The following TMEM178B variants were observed in gnomAD, a reference collection of about 807,000 sequenced individuals.
TMEM178B encodes transmembrane protein 178B.
A neutral mutation model predicts 31.0 loss-of-function variants in TMEM178B; 5 were observed. That is an observed-to-expected ratio of 0.16 (90% CI 0.08 to 0.34). The LOEUF (loss-of-function observed/expected upper bound fraction) is 0.34. Among genes scored for constraint, TMEM178B ranks in the 10% least tolerant of loss-of-function variants. The pLI is 1.00. For synonymous variants in TMEM178B, 164 were observed against 164.0 expected (o/e 1.00, Z 0.00); for missense variants, 275 against 400.3 (o/e 0.69, Z 2.67).
chr7:141,481,542 A>G (rs1802474440), downstream of TMEM178B, among the ~76,000 whole-genome samples: 1 of 152,214 alleles, frequency 6.6e-6, no homozygotes, highest in Non-Finnish European at 1.5e-5. Context: ...AGATGGGCAC[A>G]GTGCTGGGCC....
intron 2 of TMEM178B, among the ~76,000 whole-genome samples, chr7:141,313,116 T>C (rs182662310): frequency 4.6e-5 from 7 of 152,340 alleles, no homozygotes; most frequent in Non-Finnish European, 8.8e-5. Flanking sequence ...AAAGTATTTT[T>C]TTAAAAACTC....
chr7:141,249,636 G>A (rs1001731065), intron 2 of TMEM178B, among the ~76,000 whole-genome samples: 1 of 132,270 alleles, frequency 7.6e-6, no homozygotes, highest in Non-Finnish European at 1.6e-5. Flanking sequence ...GTAATTACAT[G>A]GGACCCAGTG....
At chr7:141,359,616 T>A (rs1222864861) in intron 2 of TMEM178B, among the ~76,000 whole-genome samples, 1 of 152,282 alleles carries the variant, frequency 6.6e-6, no homozygotes, top group East Asian at 1.9e-4. Flanking sequence ...TCCAGGTCCA[T>A]CTTGGAGTTC....
At chr7:141,454,412 G>A (rs1801923505) in intron 3 of TMEM178B, among the ~76,000 whole-genome samples, 1 of 152,110 alleles carries the variant, frequency 6.6e-6, no homozygotes, top group African/African-American at 2.4e-5. Flanking sequence ...CAAGCACGTG[G>A]GGCCCAGTAC....
chr7:141,511,043 T>C, the TMEM178B span, among the ~76,000 whole-genome samples: 27 of 152,082 alleles, frequency 1.8e-4, no homozygotes, highest in African/African-American at 6.5e-4. Context: ...ATTTTAGAAC[T>C]GTGCAATGTA....
intron 2 of TMEM178B, chr7:141,430,324 G>C (rs1362281757): frequency 3.3e-5 from 5 of 152,156 alleles, no homozygotes; most frequent in African/African-American, 7.2e-5. Context: ...GGATGTAGCA[G>C]TACATGAAAA....
At chr7:141,395,408 T>C (rs1231576127) in intron 2 of TMEM178B, among the ~76,000 whole-genome samples, 1 of 152,158 alleles carries the variant, frequency 6.6e-6, no homozygotes, top group Non-Finnish European at 1.5e-5. Context: ...GCCACTGCAC[T>C]CCAGCCCAAG....
rs1008375445 is a variant in TMEM178B at position 141,279,771 on chromosome 7, G to A, written c.496+67067G>A. 7.2e-5 allele frequency among the ~76,000 whole-genome samples: 11 copies of A among 152,218 alleles called. No individual in the cohort carries two copies. In the South Asian group the frequency reaches 1.5e-3, roughly 20 times the overall value. ...TGGAGTGTCTCTCGAGAAGCCAGCC[G>A]TGAGCAAATAGCACTGGCTTCTCTT... is the stretch of plus-strand genomic sequence containing the variant. On this transcript the variant is annotated intron_variant, in intron 2 of 3. Coordinates refer to ENST00000565468, the MANE Select transcript of TMEM178B (RefSeq NM_001195278.2).
rs553428600 is a variant in TMEM178B, at chr7:141,185,448, C to G, written c.383-27143C>G. ...AGCGGCCTGGGCTCTCCTCCGACTGCCCTGGCCAAACTCCATGTCGTTCAG... is the reference window on the plus strand; with the variant it reads ...AGCGGCCTGGGCTCTCCTCCGACTGGCCTGGCCAAACTCCATGTCGTTCAG... On this transcript the variant is annotated intron_variant, in intron 1 of 3. Transcript: ENST00000565468. Among the ~76,000 whole-genome samples the G allele has an allele frequency of 2.4e-3, 361 of 152,296 alleles. 1 individual carries two copies. The highest frequency in any genetic ancestry group is 3.4e-3 in the Middle Eastern group (1 of 294).
rs1303887568 is a variant in TMEM178B, at chr7:141,422,098, C to A, written c.497-15510C>A. On this transcript the variant is annotated intron_variant, in intron 2 of 3. Coordinates refer to ENST00000565468, the MANE Select transcript of TMEM178B (RefSeq NM_001195278.2). The surrounding 1 kb of genome is among the most constrained non-coding windows in gnomAD (Gnocchi z 4.2). ...AGAAACCTGCAATACGGAAAGAGATCTGTTCAGCTTCTTTATTTTTACGAT... is the reference window on the plus strand; with the variant it reads ...AGAAACCTGCAATACGGAAAGAGATATGTTCAGCTTCTTTATTTTTACGAT... Among the ~76,000 whole-genome samples, 1 of 152,166 alleles carries A rather than the reference C, an allele frequency of 6.6e-6. No individual in the cohort carries two copies. The highest frequency in any genetic ancestry group is 1.5e-5 in the Non-Finnish European group (1 of 68,038).
chr7:141,347,560 C>T (rs1799641626), intron 2 of TMEM178B, among the ~76,000 whole-genome samples: 1 of 152,186 alleles, frequency 6.6e-6, no homozygotes, highest in South Asian at 2.1e-4. Flanking sequence ...GCACTAGCAT[C>T]ATGCTCCATG....
At chr7:141,364,612 A>G (rs1293000492) in intron 2 of TMEM178B, among the ~76,000 whole-genome samples, 2 of 148,352 alleles carry the variant, frequency 1.3e-5, no homozygotes, top group Non-Finnish European at 1.5e-5. Flanking sequence ...GTGAGCCAAA[A>G]TCATGCCACT....
chr7:141,389,352 C>T (rs936202376), intron 2 of TMEM178B, among the ~76,000 whole-genome samples: 1 of 152,176 alleles, frequency 6.6e-6, no homozygotes, highest in African/African-American at 2.4e-5. Flanking sequence ...TCCTGACAGC[C>T]CCTTCTGGAC....
chr7:141,383,333 A>T, intron 2 of TMEM178B, among the ~76,000 whole-genome samples: 1 of 149,746 alleles, frequency 6.7e-6, no homozygotes. Context: ...CTCGTCATTT[A>T]CATTAGGTGT....
chr7:141,508,674 TGG>T, the TMEM178B span, among the ~76,000 whole-genome samples: 3 of 151,170 alleles, frequency 2.0e-5, no homozygotes, highest in African/African-American at 7.4e-5. Flanking sequence ...TCTTACATGG[TGG>T]CAGCAAGAGT....
chr7:141,438,013 TG>T (rs2116682357), intron 3 of TMEM178B, among the ~76,000 whole-genome samples: 1 of 152,268 alleles, frequency 6.6e-6, no homozygotes. Context: ...CTTACGGAGA[TG>T]ATCATGAGAC....
rs1407910795 is a variant in TMEM178B, at chr7:141,477,665, A to C, written c.*6879A>C. On this transcript the variant is annotated 3_prime_UTR_variant, in exon 4 of 4. Transcript: ENST00000565468. Reference sequence around the variant, plus strand: ...CCTCACCTTGTCTCCACGTCTTCTCAGCCAAATGGGGATCAGGGGCTTCCA... The same window carrying C: ...CCTCACCTTGTCTCCACGTCTTCTCCGCCAAATGGGGATCAGGGGCTTCCA... 1 of 152,186 alleles carries C rather than the reference A, an allele frequency of 6.6e-6. No homozygotes were observed. The highest frequency in any genetic ancestry group is 1.5e-5 in the Non-Finnish European group (1 of 68,070). The allele number at this position is 152,186 out of a possible 1,614,324, so 9.4% of individuals were successfully genotyped here.
At chr7:141,407,970 A>C (rs990603172) in intron 2 of TMEM178B, among the ~76,000 whole-genome samples, 1 of 152,168 alleles carries the variant, frequency 6.6e-6, no homozygotes, top group African/African-American at 2.4e-5. Context: ...TGCCAACCCC[A>C]TGATGTAGGC....
intron 1 of TMEM178B, among the ~76,000 whole-genome samples, chr7:141,107,888 T>C (rs536527391): frequency 6.6e-6 from 1 of 152,298 alleles, no homozygotes; most frequent in Non-Finnish European, 1.5e-5. Context: ...AAAGAGTTCC[T>C]GGAGAAGAAA....
Sources: gnomAD v4.1 joint callset for allele counts (sites outside exome capture counted in the v4.1 genomes callset) on GRCh38, gnomAD v4.1.1 for gene constraint, Gnocchi (gnomAD v3.1) non-coding constraint, MANE v1.5 for transcripts, NCBI Gene and HGNC (gene_info 2026-07-23, HGNC 2026-07-21) for gene names.